The following STAG3 variants were observed in gnomAD, a reference collection of about 807,000 sequenced individuals.
The protein encoded by STAG3 is cohesin subunit SA-3.
In STAG3, 101 loss-of-function variants were observed where a neutral mutation model predicts 160.7. The observed-to-expected ratio is 0.63, with a 90% confidence interval of 0.54 to 0.74. STAG3 has a LOEUF of 0.74. STAG3 is among the 30% of genes least tolerant of loss of function. The pLI, the probability that STAG3 is intolerant of heterozygous loss-of-function variation, is 0.00. For synonymous variants in STAG3, 519 were observed against 585.0 expected (o/e 0.89, Z 1.63); for missense variants, 1,188 against 1,517.4 (o/e 0.78, Z 3.61).
chr7:100,206,476 A>T (rs528327408), intron 29 of STAG3, among the ~76,000 whole-genome samples: 430 of 147,684 alleles, frequency 2.9e-3, no homozygotes, highest in African/African-American at 0.01. Flanking sequence ...CATAAAAATC[A>T]TTTTTTTTTT....
At position 100,202,582 on chromosome 7, in the gene STAG3, TACA is replaced by T; in HGVS notation, c.2697_2699del (p.Asn899del). 6.2e-7 allele frequency: 1 copy of T among 1,613,104 alleles called. No homozygotes were observed. The highest frequency in any genetic ancestry group is 8.5e-7 in the Non-Finnish European group (1 of 1,179,750). On this transcript the variant is annotated inframe_deletion, in exon 25 of 34. Coordinates refer to ENST00000615138, the MANE Select transcript of STAG3 (RefSeq NM_001282717.2). Reference sequence around the variant, plus strand: ...TGCAGCCTCAGATGTTTTCAAACACTACAACAAGGTACACCAAGGCCCTACAGA... The same window carrying T: ...TGCAGCCTCAGATGTTTTCAAACACTACAAGGTACACCAAGGCCCTACAGA...
chr7:100,180,839 C>T (rs968646468), intron 2 of STAG3, 167 bp downstream of exon 2: 56 of 530,388 alleles, frequency 1.1e-4, no homozygotes, highest in East Asian at 1.7e-4. Context: ...TTTTTTTTGG[C>T]GGTCCTAGAT....
intron 32 of STAG3, chr7:100,212,913 A>G (rs1802385357): frequency 6.5e-6 from 1 of 152,756 alleles, no homozygotes; most frequent in Non-Finnish European, 1.5e-5. Context: ...TCAAAAATAA[A>G]TAAAATGGAC....
Position 100,194,596 on chromosome 7 carries a change from G to A in STAG3, c.868-713G>A, listed in dbSNP as rs542403946. Among the ~76,000 whole-genome samples, 13 of 152,252 alleles carry A rather than the reference G, an allele frequency of 8.5e-5. No individual in the cohort carries two copies. The South Asian group carries it at 2.7e-3, about 32-fold the overall frequency. ...GAGCCCAGGAGTTCAAGACCAGCCT[G>A]GGCAAACATAGGGAGAGCCCGTCTC... On this transcript the variant is annotated intron_variant, in intron 8 of 33. Coordinates refer to ENST00000615138, the MANE Select transcript of STAG3 (RefSeq NM_001282717.2).
intron 1 of STAG3, among the ~76,000 whole-genome samples, chr7:100,178,506 C>T (rs746907333): frequency 1.1e-4 from 16 of 150,522 alleles, no homozygotes; most frequent in South Asian, 2.1e-4. Flanking sequence ...TTGCAGAGGG[C>T]GGTTTATACT....
Position 100,197,826 on chromosome 7 carries a change from G to T in STAG3, c.1114G>T (p.Gly372Cys). 6.2e-7 allele frequency: 1 copy of T among 1,613,810 alleles called. No individual in the cohort carries two copies. Among genetic ancestry groups the T allele is most frequent in the Non-Finnish European group, 8.5e-7 (1 of 1,179,968 alleles). ...KCVKALKGLYGNRDLTTRLEL... is the reference protein window; with the variant it reads ...KCVKALKGLYCNRDLTTRLEL... ...TGTGAAGGCCCTGAAAGGGCTGTAC[G>T]GTAACCGGGACCTGACCACACGCCT... Residue 372 changes from glycine (G) to cysteine (C), a missense_variant, in exon 11 of 34, where the codon GGT (glycine) becomes TGT (cysteine). By Grantham distance (159) the Gly-to-Cys change is radical. Coordinates refer to ENST00000615138, the MANE Select transcript of STAG3 (RefSeq NM_001282717.2).
downstream of STAG3, among the ~76,000 whole-genome samples, chr7:100,217,809 A>G (rs1320793513): frequency 6.6e-6 from 1 of 152,160 alleles, no homozygotes; most frequent in Non-Finnish European, 1.5e-5. Flanking sequence ...ATCAAAGACT[A>G]ATACTTTCAC....
chr7:100,200,193 G>A (rs1463009958), intron 16 of STAG3, 43 bp from the exon 17 acceptor site: 1 of 1,522,934 alleles, frequency 6.6e-7, no homozygotes, highest in Non-Finnish European at 9.0e-7. Flanking sequence ...CTGCACCAGT[G>A]TTTCTTTACA....
chr7:100,192,954 TA>T (rs576568807), intron 8 of STAG3, among the ~76,000 whole-genome samples: 174 of 152,362 alleles, frequency 1.1e-3, no homozygotes, highest in African/African-American at 3.8e-3. Flanking sequence ...GCTATAGCCT[TA>T]TGAAATGTAT....
Position 100,199,278 on chromosome 7 carries a change from C to T in STAG3, c.1484C>T (p.Ala495Val), listed in dbSNP as rs762089807. Residue 495 changes from alanine to valine, a missense_variant, in exon 15 of 34, where the codon GCT becomes GTT. Coordinates refer to ENST00000615138, the MANE Select transcript of STAG3 (RefSeq NM_001282717.2). ...FVESELHDHA[A>V]YLVDSLWDCA... Reference sequence around the variant, plus strand: ...CTCCCCTAGCTCCATGACCACGCTGCTTACTTAGTAGACAGTCTGTGGGAC... The same window carrying T: ...CTCCCCTAGCTCCATGACCACGCTGTTTACTTAGTAGACAGTCTGTGGGAC... 5.0e-6 allele frequency: 8 copies of T among 1,613,912 alleles called. No homozygotes were observed. The highest frequency in any genetic ancestry group is 2.2e-5 in the East Asian group (1 of 44,890).
At chr7:100,199,794 G>A (rs561364390) in intron 16 of STAG3, 150 bp downstream of exon 16, 3 of 650,726 alleles carry the variant, frequency 4.6e-6, no homozygotes, top group African/African-American at 1.8e-5. Flanking sequence ...AGTGGCTTAC[G>A]CCTATAATCC....
At chr7:100,178,322 C>G (rs1246307254) in intron 1 of STAG3, among the ~76,000 whole-genome samples, 1 of 152,176 alleles carries the variant, frequency 6.6e-6, no homozygotes, top group Non-Finnish European at 1.5e-5. Flanking sequence ...TTTTGCGTTT[C>G]CAGCCCTATT....
rs146872663 is a variant in STAG3 at position 100,201,518 on chromosome 7, C to T, written c.2220+167C>T. 8.0e-4 allele frequency: 518 copies of T among 651,130 alleles called. 1 individual carries two copies. The African/African-American group carries it at 8.2e-3, about 10-fold the overall frequency. The allele number at this position is 651,130 out of a possible 1,614,324, so 40.3% of individuals were successfully genotyped here. A position where few individuals can be genotyped will look rare whatever the true frequency, so the allele number is the denominator to read the frequency against. ...TTACATTCCTCTCTTAGAAGGTGGA[C>T]TCTACTTCCAGGGTCTTCTTGGATT... On this transcript the variant is annotated intron_variant, in intron 21 of 33. Coordinates refer to ENST00000615138, the MANE Select transcript of STAG3 (RefSeq NM_001282717.2).
At chr7:100,213,887 A>G in intron 33 of STAG3, 81 bp downstream of exon 33, 3 of 1,613,516 alleles carry the variant, frequency 1.9e-6, no homozygotes, top group Admixed American at 1.7e-5. Flanking sequence ...TTGACAGGCC[A>G]TAGCCTGGGG....
rs370851718 is a variant in STAG3, at chr7:100,188,364, G to A, written c.434-89G>A. ...TCCCCACCTAAGCTCTTTGCAGAAT[G>A]TTTCCTTGCTCATCTTCAGGTATAT... On this transcript the variant is annotated intron_variant, in intron 5 of 33. Coordinates refer to ENST00000615138, the MANE Select transcript of STAG3 (RefSeq NM_001282717.2). The A allele has an allele frequency of 4.5e-5, 41 of 915,846 alleles. No individual in the cohort carries two copies. In the African/African-American group the frequency reaches 5.3e-4, roughly 12 times the overall value. 56.7% of individuals were successfully genotyped at this position (915,846 alleles called of 1,614,324 possible). A position where few individuals can be genotyped will look rare whatever the true frequency, so the allele number is the denominator to read the frequency against.
At position 100,207,084 on chromosome 7, in the gene STAG3, G is replaced by A. The variant is rs1049712466; in HGVS notation, c.3238+1700G>A. On this transcript the variant is annotated intron_variant, in intron 29 of 33. Coordinates refer to ENST00000615138, the MANE Select transcript of STAG3 (RefSeq NM_001282717.2). The surrounding 1 kb of genome is among the most constrained non-coding windows in gnomAD (Gnocchi z 4.0). ...CAGTATCTCATACCTTTTTATGGCC[G>A]AAACAATATGCCATCGTGTGGATAT... Among the ~76,000 whole-genome samples the A allele has an allele frequency of 1.3e-5, 2 of 152,068 alleles. No individual in the cohort carries two copies. Among genetic ancestry groups the A allele is most frequent in the Admixed American group, 6.6e-5 (1 of 15,256 alleles).
Position 100,200,969 on chromosome 7 carries a change from G to A in STAG3, c.2061G>A (p.Gln687=). 1.2e-6 allele frequency: 2 copies of A among 1,614,220 alleles called. No homozygotes were observed. The highest frequency in any genetic ancestry group is 1.7e-6 in the Non-Finnish European group (2 of 1,180,044). Residue 687 remains glutamine (Q), a splice_region_variant and synonymous_variant, in exon 19 of 34, where the codon CAG becomes CAA. Transcript: ENST00000615138. The part of the protein sequence containing the change: ...RFQQELEELL[Q]SSFLDEDEVY... ...AGCAGGAGCTTGAAGAGCTGTTACA[G>A]GTAGGAGCTGGGGCTGGACAATGGG... is the stretch of plus-strand genomic sequence containing the variant.
chr7:100,201,495 AC>A (rs1801131212), intron 21 of STAG3, 144 bp downstream of exon 21: 6 of 697,886 alleles, frequency 8.6e-6, no homozygotes, highest in Non-Finnish European at 1.5e-5. Context: ...GTCACCTCTT[AC>A]ATTCCTCTCT....
Position 100,211,260 on chromosome 7 carries a change from T to A in STAG3, c.3413+75T>A, listed in dbSNP as rs1469354129. 3.3e-6 allele frequency: 5 copies of A among 1,518,752 alleles called. No homozygotes were observed. In the African/African-American group the frequency reaches 5.6e-5, roughly 17 times the overall value. The allele number at this position is 1,518,752 out of a possible 1,614,324, so 94.1% of individuals were successfully genotyped here. A position where few individuals can be genotyped will look rare whatever the true frequency, so the allele number is the denominator to read the frequency against. ...GGCTGCCTCCATCTTGCTGTTTCTG[T>A]TTCATGGTTCCCTGCTGTAGCACTC... On this transcript the variant is annotated intron_variant, in intron 30 of 33. Coordinates refer to ENST00000615138, the MANE Select transcript of STAG3 (RefSeq NM_001282717.2).
Sources: allele counts gnomAD v4.1 joint callset (sites outside exome capture counted in the v4.1 genomes callset), GRCh38; gene constraint gnomAD v4.1.1; non-coding constraint Gnocchi (gnomAD v3.1); transcripts MANE v1.5; gene names NCBI Gene and HGNC (gene_info 2026-07-23, HGNC 2026-07-21).